ZNF423: variants seen among roughly 807,000 people sequenced by gnomAD.
ZNF423 encodes the protein Ebf-associated zinc finger protein.
In ZNF423, 12 loss-of-function variants were observed where a neutral mutation model predicts 95.8. The observed-to-expected ratio is 0.13, with a 90% CI of 0.08 to 0.20. ZNF423 has a LOEUF of 0.20. ZNF423 is among the 10% of genes least tolerant of loss of function. ZNF423 has a pLI of 1.00. For synonymous variants in ZNF423, 749 were observed against 711.9 expected (o/e 1.05, Z -0.83); for missense variants, 1,316 against 1,737.1 (o/e 0.76, Z 4.31).
At chr16:49,701,128 C>G (rs2032166471) in intron 3 of ZNF423, among the ~76,000 whole-genome samples, 1 of 152,160 alleles carries the variant, frequency 6.6e-6, no homozygotes, top group South Asian at 2.1e-4. Flanking sequence ...CTTAAATTAA[C>G]CCTAAGGCTT....
intron 1 of ZNF423, among the ~76,000 whole-genome samples, chr16:49,832,289 T>C (rs1256520991): frequency 6.6e-6 from 1 of 152,238 alleles, no homozygotes; most frequent in African/African-American, 2.4e-5. Context: ...CGATGCTGCC[T>C]GAGTCTGAAA....
intron 3 of ZNF423, among the ~76,000 whole-genome samples, chr16:49,655,935 C>T (rs1044990605): frequency 6.6e-6 from 1 of 152,210 alleles, no homozygotes; most frequent in African/African-American, 2.4e-5. Context: ...CACGAGGTAA[C>T]TCCAGTGGGG....
chr16:49,540,534 G>T (rs1597074663), intron 5 of ZNF423, among the ~76,000 whole-genome samples: 2 of 152,046 alleles, frequency 1.3e-5, no homozygotes, highest in East Asian at 3.9e-4. Context: ...TTTCACCTCG[G>T]CCTCCCCATG....
intron 5 of ZNF423, among the ~76,000 whole-genome samples, chr16:49,618,825 T>A (rs1032932720): frequency 6.6e-5 from 10 of 152,170 alleles, no homozygotes; most frequent in African/African-American, 2.4e-4. Context: ...TGAGTCTTCC[T>A]AACTTCTCCC....
rs551874390 is a variant in ZNF423, at chr16:49,741,938, C to T, written c.101-10967G>A. ...TGGGACCACTTTCCAGGTGACCTCA[C>T]TCCAGGTCTCTGCCCACCAGGCGCT... On this transcript the variant is annotated intron_variant, in intron 2 of 7. Transcript: ENST00000563137. 1.6e-4 allele frequency among the ~76,000 whole-genome samples: 25 copies of T among 152,346 alleles called. No homozygotes were observed. The South Asian group carries it at 5.0e-3, about 30-fold the overall frequency.
At chr16:49,675,156 G>A (rs186695110) in intron 3 of ZNF423, among the ~76,000 whole-genome samples, 1 of 152,302 alleles carries the variant, frequency 6.6e-6, no homozygotes, top group African/African-American at 2.4e-5. Context: ...AACATGCTGT[G>A]TGACCCTGGA....
intron 5 of ZNF423, among the ~76,000 whole-genome samples, chr16:49,532,121 T>C (rs1341387396): frequency 6.6e-6 from 1 of 152,238 alleles, no homozygotes; most frequent in Non-Finnish European, 1.5e-5. Context: ...AGTCACTTTT[T>C]GTCCACATTT....
In ZNF423 at chr16:49,635,749, G is replaced by C; in HGVS notation, c.3427C>G (p.Leu1143Val). ...CSVKFESAEDLESHMQVDHRD... is the reference protein window; with the variant it reads ...CSVKFESAEDVESHMQVDHRD... ...TGGTCCACCTGCATGTGGCTCTCCAGGTCTTCGGCACTCTCAAACTTGACA... is the reference window on the plus strand; with the variant it reads ...TGGTCCACCTGCATGTGGCTCTCCACGTCTTCGGCACTCTCAAACTTGACA... The change falls in exon 4 of 8, where the codon CTG becomes GTG. Residue 1143 changes from leucine (L) to valine (V), a missense_variant. Physicochemically the swap from Leu to Val is conservative, Grantham distance 32. Coordinates refer to ENST00000563137, the MANE Select transcript of ZNF423 (RefSeq NM_001379286.1). This position sits in a 1 kb window ranked among gnomAD's most constrained non-coding sequence, Gnocchi z 4.8. 6.2e-7 allele frequency: 1 copy of C among 1,612,890 alleles called. No individual in the cohort carries two copies. Among genetic ancestry groups the C allele is most frequent in the Non-Finnish European group, 8.5e-7 (1 of 1,179,854 alleles).
intron 1 of ZNF423, among the ~76,000 whole-genome samples, chr16:49,835,768 G>T (rs1283664195): frequency 6.6e-6 from 1 of 152,218 alleles, no homozygotes; most frequent in East Asian, 1.9e-4. Flanking sequence ...AGGGTCCGGT[G>T]CCTGGGAGTA....
intron 7 of ZNF423, among the ~76,000 whole-genome samples, chr16:49,500,888 T>G (rs1967372108): frequency 6.7e-6 from 1 of 150,114 alleles, no homozygotes; most frequent in Non-Finnish European, 1.5e-5. Flanking sequence ...AGCCACAGGG[T>G]GAGACCTCAT....
At chr16:49,508,454 A>C (rs1967745352) in intron 7 of ZNF423, among the ~76,000 whole-genome samples, 1 of 149,038 alleles carries the variant, frequency 6.7e-6, no homozygotes, top group African/African-American at 2.5e-5. Flanking sequence ...CAGGAGTTCA[A>C]GGCTGCAGAG....
chr16:49,662,067 G>A (rs947387157), intron 3 of ZNF423, among the ~76,000 whole-genome samples: 1 of 152,166 alleles, frequency 6.6e-6, no homozygotes. Flanking sequence ...GGGCAGAGCC[G>A]TGGTTCACTG....
At chr16:49,652,875 G>A (rs1489710690) in intron 3 of ZNF423, among the ~76,000 whole-genome samples, 1 of 152,122 alleles carries the variant, frequency 6.6e-6, no homozygotes, top group Non-Finnish European at 1.5e-5. Context: ...TCTTCCACAA[G>A]ATACAAGCTT....
chr16:49,622,760 G>A (rs984952298), intron 5 of ZNF423, among the ~76,000 whole-genome samples: 41 of 152,208 alleles, frequency 2.7e-4, no homozygotes, highest in Non-Finnish European at 5.6e-4. Flanking sequence ...GGTAACTCAC[G>A]TAACCTCTCT....
chr16:49,832,117 G>C (rs1405472163), intron 1 of ZNF423, among the ~76,000 whole-genome samples: 3 of 152,186 alleles, frequency 2.0e-5, no homozygotes, highest in Non-Finnish European at 4.4e-5. Context: ...ACCAAGGCTG[G>C]GTCATCTGGG....
At chr16:49,494,926 T>C (rs1434656263) in intron 7 of ZNF423, among the ~76,000 whole-genome samples, 1 of 152,184 alleles carries the variant, frequency 6.6e-6, no homozygotes, top group Non-Finnish European at 1.5e-5. Flanking sequence ...GCATTCAGCC[T>C]TAATGTCTCT....
chr16:49,650,903 C>T (rs1436508560), intron 3 of ZNF423, among the ~76,000 whole-genome samples: 1 of 152,194 alleles, frequency 6.6e-6, no homozygotes, highest in Admixed American at 6.5e-5. Flanking sequence ...ACTGGACAGT[C>T]TGGGGGCCAC....
intron 5 of ZNF423, among the ~76,000 whole-genome samples, chr16:49,580,452 C>A (rs781748781): frequency 9.9e-5 from 15 of 152,218 alleles, no homozygotes; most frequent in Non-Finnish European, 2.1e-4. Context: ...TACATGTATT[C>A]ATTCCCCAGA....
intron 7 of ZNF423, among the ~76,000 whole-genome samples, chr16:49,501,835 G>A (rs747792726): frequency 1.7e-4 from 26 of 148,908 alleles, no homozygotes; most frequent in Non-Finnish European, 3.3e-4. Context: ...ACTGTGGTGC[G>A]CACAGACATA....
Sources: gnomAD v4.1 joint callset for allele counts (sites outside exome capture counted in the v4.1 genomes callset) on GRCh38, gnomAD v4.1.1 for gene constraint, Gnocchi (gnomAD v3.1) non-coding constraint, MANE v1.5 for transcripts, NCBI Gene and HGNC (gene_info 2026-07-23, HGNC 2026-07-21) for gene names.